TULP3: variants seen among roughly 807,000 people sequenced by gnomAD.
The protein encoded by TULP3 is tubby-related protein 3.
A neutral mutation model predicts 50.7 loss-of-function variants in TULP3; 38 were observed. The ratio of observed to expected loss-of-function variants is 0.75; its 90% CI spans 0.58 to 0.98. The LOEUF (loss-of-function observed/expected upper bound fraction) is 0.98, where lower values mean the gene tolerates loss of function less well. Ranked by LOEUF, TULP3 falls within the 50% of genes least tolerant of loss-of-function variation. The pLI, the probability that TULP3 is intolerant of heterozygous loss-of-function variation, is 0.00. For missense variants in TULP3, 550 were observed against 568.0 expected (o/e 0.97, Z 0.32); for synonymous variants, 183 against 196.6 (o/e 0.93, Z 0.58).
intron 1 of TULP3, 138 bp downstream of exon 1, chr12:2,891,126 G>A: frequency 9.7e-7 from 1 of 1,029,652 alleles, no homozygotes; most frequent in South Asian, 2.1e-5. Context: ...TGGTTTCGGC[G>A]GCGGGAGGCG....
chr12:2,927,384 T>TTTTTTTTTTTTTTG (rs2098195327), intron 4 of TULP3, among the ~76,000 whole-genome samples: 1 of 149,192 alleles, frequency 6.7e-6, no homozygotes, highest in African/African-American at 2.5e-5. Flanking sequence ...TTTTTTTTTT[T>TTTTTTTTTTTTTTG]GAGACCAAGT....
intron 1 of TULP3, among the ~76,000 whole-genome samples, chr12:2,905,504 TTATAATTTAACTAAAGG>T (rs2098181688): frequency 6.6e-6 from 1 of 152,132 alleles, no homozygotes; most frequent in Non-Finnish European, 1.5e-5. Flanking sequence ...TCTTTATAGG[TTATAATTTAACTAAAGG>T]TATAACTTTT....
chr12:2,931,347 C>A (rs2098197939), intron 6 of TULP3, 107 bp downstream of exon 6: 2 of 1,040,638 alleles, frequency 1.9e-6, no homozygotes, highest in Non-Finnish European at 2.8e-6. Context: ...ACCAAGCCAG[C>A]TGGAAGTAGA....
Position 2,890,901 on chromosome 12 carries a change from CG to C in TULP3, c.-45del. ...CGTGCCAGCCTAGCCACTCTAGCGACGGCGGGGAAGAGTGTGTACGTGGTGG... is the reference window on the plus strand; with the variant it reads ...CGTGCCAGCCTAGCCACTCTAGCGACGCGGGGAAGAGTGTGTACGTGGTGG... On this transcript the variant is annotated 5_prime_UTR_variant, in exon 1 of 11. Coordinates refer to ENST00000448120, the MANE Select transcript of TULP3 (RefSeq NM_003324.5). 2 of 1,539,062 alleles carry C rather than the reference CG, an allele frequency of 1.3e-6. No homozygotes were observed. Among genetic ancestry groups the C allele is most frequent in the South Asian group, 2.4e-5 (2 of 82,620 alleles).
chr12:2,890,953 GGCT>G lies in TULP3; in HGVS notation c.7_9del (p.Ala3del). On this transcript the variant is annotated inframe_deletion, in exon 1 of 11. Coordinates refer to ENST00000448120, the MANE Select transcript of TULP3 (RefSeq NM_003324.5). ...GGGCTTCCTCGGTGGCGGGCATGGA[GGCT>G]TCGCGCTGCCGGCTCAGTCCCAGCG... The G allele has an allele frequency of 6.3e-7, 1 of 1,597,234 alleles. No individual in the cohort carries two copies. Among genetic ancestry groups the G allele is most frequent in the Non-Finnish European group, 8.5e-7 (1 of 1,172,232 alleles).
chr12:2,934,778 T>G (rs1360493085), intron 8 of TULP3, among the ~76,000 whole-genome samples: 1 of 152,222 alleles, frequency 6.6e-6, no homozygotes. Flanking sequence ...TATTTCCTTT[T>G]CTTTTTTCCT....
At position 2,938,136 on chromosome 12, in the gene TULP3, G is replaced by A; in HGVS notation, c.1046G>A (p.Arg349Lys). 6.2e-7 allele frequency: 1 copy of A among 1,614,174 alleles called. No homozygotes were observed. Among genetic ancestry groups the A allele is most frequent in the Non-Finnish European group, 8.5e-7 (1 of 1,180,042 alleles). The change falls in exon 10 of 11, where the codon AGG (arginine) becomes AAG (lysine). Residue 349 changes from arginine to lysine, a missense_variant. Transcript: ENST00000448120. ...CAGAACCATGACAGTTTGCTCTCAA[G>A]GTGGCAGAACAGAACTATGGAAAAT... The part of the protein sequence containing the change: ...PQNNHDSLLS[R>K]WQNRTMENLV...
intron 4 of TULP3, among the ~76,000 whole-genome samples, chr12:2,925,494 C>G (rs1286208283): frequency 6.6e-6 from 1 of 152,108 alleles, no homozygotes; most frequent in Non-Finnish European, 1.5e-5. Context: ...TGCCTACGTG[C>G]TAGGGGAGCA....
intron 2 of TULP3, among the ~76,000 whole-genome samples, chr12:2,909,860 A>G (rs552691802): frequency 1.3e-5 from 2 of 152,330 alleles, no homozygotes; most frequent in South Asian, 4.1e-4. Context: ...GAATTAGAAG[A>G]GTGTTAACAT....
At chr12:2,914,856 C>T (rs934394893) in intron 2 of TULP3, among the ~76,000 whole-genome samples, 1 of 152,100 alleles carries the variant, frequency 6.6e-6, no homozygotes, top group African/African-American at 2.4e-5. Context: ...TGGTCTTGAA[C>T]TCCTGGCCTC....
intron 4 of TULP3, among the ~76,000 whole-genome samples, chr12:2,926,714 A>G (rs1161639057): frequency 6.6e-6 from 1 of 152,130 alleles, no homozygotes; most frequent in Non-Finnish European, 1.5e-5. Context: ...CAGCCTGGCC[A>G]ACGTGGTGAA....
At chr12:2,905,359 T>C (rs2098181601) in intron 1 of TULP3, among the ~76,000 whole-genome samples, 1 of 151,724 alleles carries the variant, frequency 6.6e-6, no homozygotes, top group Non-Finnish European at 1.5e-5. Flanking sequence ...CTAATTTTTG[T>C]ATTTTTAGTA....
chr12:2,939,434 C>A lies in TULP3; in HGVS notation c.1319C>A (p.Ala440Glu). The A allele has an allele frequency of 6.2e-7, 1 of 1,614,076 alleles. No individual in the cohort carries two copies. Among genetic ancestry groups the A allele is most frequent in the South Asian group, 1.1e-5 (1 of 91,074 alleles). Residue 440 changes from alanine to glutamate, a missense_variant, in exon 11 of 11, where the codon GCG (alanine) becomes GAG (glutamate). Ala to Glu is a moderately radical substitution (Grantham distance 107). Transcript: ENST00000448120. This position sits in a 1 kb window ranked among gnomAD's most constrained non-coding sequence, Gnocchi z 4.0. Reference protein sequence around the residue: ...IGLSSFDSKLACE With the variant: ...IGLSSFDSKLECE ...CTTTCTAGCTTTGACAGTAAGCTGG[C>A]GTGTGAATGAGAGAACAGTCAGGCA...
intron 4 of TULP3, among the ~76,000 whole-genome samples, chr12:2,926,274 C>T (rs756734292): frequency 7.2e-5 from 11 of 151,924 alleles, no homozygotes; most frequent in Middle Eastern, 3.4e-3. Flanking sequence ...CCGAGGTGGG[C>T]GGATCGCTTG....
chr12:2,940,841 C>A lies in TULP3; in HGVS notation c.*1397C>A. On this transcript the variant is annotated 3_prime_UTR_variant, in exon 11 of 11. Coordinates refer to ENST00000448120, the MANE Select transcript of TULP3 (RefSeq NM_003324.5). Reference sequence around the variant, plus strand: ...CAGGCATGTATCCCACCAAGTGCCTCCCTCACAGCCATGCCCAGAAGCCTC... The same window carrying A: ...CAGGCATGTATCCCACCAAGTGCCTACCTCACAGCCATGCCCAGAAGCCTC... 1.1e-6 allele frequency: 1 copy of A among 946,472 alleles called. No individual in the cohort carries two copies. Among genetic ancestry groups the A allele is most frequent in the Non-Finnish European group, 1.6e-6 (1 of 642,590 alleles). 58.6% of individuals were successfully genotyped at this position (946,472 alleles called of 1,614,324 possible).
intron 2 of TULP3, among the ~76,000 whole-genome samples, chr12:2,919,042 G>A (rs1450005459): frequency 6.6e-6 from 1 of 152,066 alleles, no homozygotes; most frequent in Non-Finnish European, 1.5e-5. Flanking sequence ...ACAGGCATGC[G>A]CCATGACGCA....
rs757658639 is a variant in TULP3, at chr12:2,890,899, G to C, written c.-49G>C. The stretch of plus-strand genomic sequence containing the variant: ...GGCGTGCCAGCCTAGCCACTCTAGC[G>C]ACGGCGGGGAAGAGTGTGTACGTGG... On this transcript the variant is annotated 5_prime_UTR_variant, in exon 1 of 11. Transcript: ENST00000448120. The C allele has an allele frequency of 1.3e-6, 2 of 1,536,834 alleles. No individual in the cohort carries two copies. The highest frequency in any genetic ancestry group is 2.5e-5 in the East Asian group (1 of 40,258).
intron 3 of TULP3, among the ~76,000 whole-genome samples, chr12:2,921,829 A>C (rs2098191961): frequency 6.6e-6 from 1 of 152,140 alleles, no homozygotes; most frequent in Non-Finnish European, 1.5e-5. Flanking sequence ...TATACCTGTG[A>C]TCCCAGCACT....
In TULP3 at chr12:2,930,288, A is replaced by G; in HGVS notation, c.435A>G (p.Gly145=). 1.2e-6 allele frequency: 2 copies of G among 1,613,012 alleles called. No individual in the cohort carries two copies. Among genetic ancestry groups the G allele is most frequent in the Non-Finnish European group, 1.7e-6 (2 of 1,179,434 alleles). ...ESVNFDEETD[G]ISQSACLERP... ...TGAACTTCGATGAGGAGACTGATGGAATATCCCAGTCAGCATGTTTAGAAA... is the reference window on the plus strand; with the variant it reads ...TGAACTTCGATGAGGAGACTGATGGGATATCCCAGTCAGCATGTTTAGAAA... The change falls in exon 5 of 11, where the codon GGA becomes GGG. Residue 145 remains glycine (G), a synonymous_variant. Transcript: ENST00000448120.
Sources: gnomAD v4.1 joint callset for allele counts (sites outside exome capture counted in the v4.1 genomes callset) on GRCh38, gnomAD v4.1.1 for gene constraint, Gnocchi (gnomAD v3.1) non-coding constraint, MANE v1.5 for transcripts, NCBI Gene and HGNC (gene_info 2026-07-23, HGNC 2026-07-21) for gene names.